Variants in MIPOL1 observed in about 807,000 individuals in gnomAD.
MIPOL1 encodes mirror-image polydactyly gene 1 protein.
MIPOL1 carries 57 observed loss-of-function variants against 60.9 expected under a neutral mutation model. The ratio of observed to expected loss-of-function variants is 0.94; its 90% CI spans 0.76 to 1.17. MIPOL1 has a LOEUF of 1.17. Among genes scored for constraint, MIPOL1 ranks in the 50% most tolerant of loss-of-function variants. MIPOL1 has a pLI of 0.00. For missense variants in MIPOL1, 551 were observed against 511.6 expected, an observed-to-expected ratio of 1.08 and a Z score of -0.74; for synonymous variants, 179 against 168.8, an observed-to-expected ratio of 1.06 and a Z score of -0.47.
chr14:37,383,880 G>C (rs2092994415), intron 10 of MIPOL1, among the ~76,000 whole-genome samples: 1 of 151,570 alleles, frequency 6.6e-6, no homozygotes, highest in African/African-American at 2.4e-5. Context: ...TGTTGCTGTT[G>C]CTGTTAAACT....
At chr14:37,497,586 G>A (rs2095151494) in intron 11 of MIPOL1, among the ~76,000 whole-genome samples, 1 of 152,136 alleles carries the variant, frequency 6.6e-6, no homozygotes, top group Admixed American at 6.6e-5. Context: ...TATGCCCATA[G>A]TCCGAGCTAC....
intron 9 of MIPOL1, among the ~76,000 whole-genome samples, chr14:37,335,282 C>T (rs1696536856): frequency 6.6e-6 from 1 of 151,980 alleles, no homozygotes; most frequent in African/African-American, 2.4e-5. Context: ...CATAAATATA[C>T]ATAACATAAA....
rs142801447 is a variant in MIPOL1 at position 37,521,419 on chromosome 14, G to A, written c.1262+21281G>A. 2.8e-3 allele frequency among the ~76,000 whole-genome samples: 428 copies of A among 152,222 alleles called. 2 individuals carry two copies. The highest frequency in any genetic ancestry group is 9.9e-3 in the African/African-American group (411 of 41,520). On this transcript the variant is annotated intron_variant, in intron 12 of 12. Transcript: ENST00000684589. The stretch of plus-strand genomic sequence containing the variant: ...AGCAGCTACATAATAGGTAATGTGA[G>A]TAGTGTGATCAAATGAACACAATTT...
intron 1 of MIPOL1, among the ~76,000 whole-genome samples, chr14:37,200,301 A>G (rs182576732): frequency 1.4e-4 from 21 of 152,270 alleles, no homozygotes; most frequent in Admixed American, 1.4e-3. Flanking sequence ...CCCTTTAAAT[A>G]TGTAAAAACA....
intron 3 of MIPOL1, among the ~76,000 whole-genome samples, chr14:37,249,351 A>T (rs1321274457): frequency 1.3e-5 from 2 of 152,068 alleles, no homozygotes; most frequent in Non-Finnish European, 2.9e-5. Flanking sequence ...TCCATTTTTG[A>T]GGACCGTTCT....
intron 9 of MIPOL1, among the ~76,000 whole-genome samples, chr14:37,361,854 G>A (rs553149094): frequency 4.6e-5 from 7 of 152,008 alleles, no homozygotes; most frequent in South Asian, 2.1e-4. Context: ...TGATCTGCCC[G>A]CCTTGGCCTT....
At chr14:37,307,095 T>C (rs933265021) in intron 7 of MIPOL1, among the ~76,000 whole-genome samples, 2 of 151,870 alleles carry the variant, frequency 1.3e-5, no homozygotes, top group East Asian at 3.8e-4. Flanking sequence ...TTTTGTGGCA[T>C]ATTTATTAGG....
intron 10 of MIPOL1, among the ~76,000 whole-genome samples, chr14:37,371,819 A>G (rs1184630121): frequency 6.6e-6 from 1 of 151,926 alleles, no homozygotes; most frequent in Non-Finnish European, 1.5e-5. Context: ...TTTGTTTTTT[A>G]TTTGATGCAT....
chr14:37,273,972 A>G (rs915042175), intron 6 of MIPOL1, among the ~76,000 whole-genome samples: 2 of 151,520 alleles, frequency 1.3e-5, no homozygotes, highest in Non-Finnish European at 3.0e-5. Flanking sequence ...AGCAGTTATG[A>G]AAAGACATTT....
At position 37,297,404 on chromosome 14, in the gene MIPOL1, A is replaced by T. The variant is rs368967600; in HGVS notation, c.624-10652A>T. Among the ~76,000 whole-genome samples, 4 of 152,210 alleles carry T rather than the reference A, an allele frequency of 2.6e-5. No individual in the cohort carries two copies. In the East Asian group the frequency reaches 5.8e-4, roughly 22 times the overall value. ...CTTTGAAAACTGGCACAAGACAGGGATGCGCTCTCTCACCACTCCTATTCA... is the reference window on the plus strand; with the variant it reads ...CTTTGAAAACTGGCACAAGACAGGGTTGCGCTCTCTCACCACTCCTATTCA... On this transcript the variant is annotated intron_variant, in intron 7 of 12. Coordinates refer to ENST00000684589, the MANE Select transcript of MIPOL1 (RefSeq NM_001388067.1).
At chr14:37,313,242 G>A (rs1312877205) in intron 9 of MIPOL1, among the ~76,000 whole-genome samples, 2 of 152,094 alleles carry the variant, frequency 1.3e-5, no homozygotes, top group African/African-American at 4.8e-5. Flanking sequence ...ACATCAATAA[G>A]CAACAGAAAA....
At chr14:37,220,952 A>T (rs79727647) in intron 1 of MIPOL1, among the ~76,000 whole-genome samples, 1 of 152,034 alleles carries the variant, frequency 6.6e-6, no homozygotes, top group African/African-American at 2.4e-5. Context: ...ATTGTTTTAA[A>T]AAAGTTTTTT....
intron 11 of MIPOL1, among the ~76,000 whole-genome samples, chr14:37,468,506 C>T (rs778011989): frequency 2.5e-4 from 38 of 152,128 alleles, no homozygotes; most frequent in Admixed American, 2.4e-3. Flanking sequence ...CATTGGTTAA[C>T]GATAGACTAG....
At chr14:37,407,736 T>C (rs1412736895) in intron 10 of MIPOL1, among the ~76,000 whole-genome samples, 2 of 152,024 alleles carry the variant, frequency 1.3e-5, no homozygotes, top group East Asian at 3.9e-4. Flanking sequence ...AGTGATAATA[T>C]TGGAAATTTA....
chr14:37,356,187 C>T (rs2091803334), intron 9 of MIPOL1, among the ~76,000 whole-genome samples: 1 of 151,798 alleles, frequency 6.6e-6, no homozygotes, highest in South Asian at 2.1e-4. Context: ...CAGTCTGTCC[C>T]TGCTGGGGTG....
chr14:37,356,648 C>A (rs949060461), intron 9 of MIPOL1, among the ~76,000 whole-genome samples: 7 of 152,180 alleles, frequency 4.6e-5, no homozygotes, highest in South Asian at 2.1e-4. Context: ...GCGCAGTATT[C>A]GGGTGGGAGT....
At chr14:37,339,195 A>G (rs1161574948) in intron 9 of MIPOL1, among the ~76,000 whole-genome samples, 7 of 152,232 alleles carry the variant, frequency 4.6e-5, no homozygotes, top group African/African-American at 7.2e-5. Flanking sequence ...AAATCATCCA[A>G]TGACAACCTG....
At chr14:37,411,868 A>G (rs1286986539) in intron 10 of MIPOL1, among the ~76,000 whole-genome samples, 1 of 152,158 alleles carries the variant, frequency 6.6e-6, no homozygotes, top group Non-Finnish European at 1.5e-5. Flanking sequence ...TACAGACATC[A>G]GTTACTTCAT....
rs141778106 is a variant in MIPOL1, at chr14:37,358,670, T to G, written c.829-10847T>G. Among the ~76,000 whole-genome samples, 589 of 152,310 alleles carry G rather than the reference T, an allele frequency of 3.9e-3. 5 individuals carry two copies. The highest frequency in any genetic ancestry group is 0.013 in the African/African-American group (548 of 41,566). On this transcript the variant is annotated intron_variant, in intron 9 of 12. Transcript: ENST00000684589. ...GTGTCTGTTAATACCCTTTGCCCAC[T>G]TTTTCACGGGGTTGCCTTTTTCTTG...
Sources: gnomAD v4.1 joint callset for allele counts (sites outside exome capture counted in the v4.1 genomes callset) on GRCh38, gnomAD v4.1.1 for gene constraint, MANE v1.5 for transcripts, NCBI Gene and HGNC (gene_info 2026-07-23, HGNC 2026-07-21) for gene names.